Variants in GRIN2A observed in about 807,000 individuals in gnomAD.
GRIN2A encodes the protein glutamate ionotropic receptor NMDA type subunit 2A.
In GRIN2A, 22 loss-of-function variants were observed where a neutral mutation model predicts 113.4. The observed-to-expected ratio is 0.19, with a 90% CI of 0.14 to 0.28. GRIN2A has a LOEUF of 0.28. Among genes scored for constraint, GRIN2A ranks in the 10% least tolerant of loss-of-function variants. The pLI is 1.00. For missense variants in GRIN2A, 1,502 were observed against 1,887.0 expected (o/e 0.80, Z 3.78); for synonymous variants, 827 against 738.4 (o/e 1.12, Z -1.94).
intron 2 of GRIN2A, among the ~76,000 whole-genome samples, chr16:10,119,391 T>A (rs770573396): frequency 0.84 from 128,098 of 152,028 alleles, 54,802 homozygotes; most frequent in East Asian, 0.92. Flanking sequence ...ATGAGTTGTT[T>A]TCATGCTTAA....
At position 10,068,645 on chromosome 16, in the gene GRIN2A, T is replaced by G. The variant is rs112013190; in HGVS notation, c.414+111353A>C. Among the ~76,000 whole-genome samples, 885 of 152,280 alleles carry G rather than the reference T, an allele frequency of 5.8e-3. 3 individuals are homozygous for G. Among genetic ancestry groups the G allele is most frequent in the Non-Finnish European group, 9.4e-3 (638 of 68,026 alleles). ...TGGAGATTACAATTCAACGTAAGAT[T>G]TGGGCAAGACATCCAAACCTTATCA... On this transcript the variant is annotated intron_variant, in intron 2 of 12. Transcript: ENST00000330684.
intron 2 of GRIN2A, among the ~76,000 whole-genome samples, chr16:10,071,472 G>C (rs1448890197): frequency 5.3e-5 from 8 of 152,212 alleles, no homozygotes; most frequent in Non-Finnish European, 8.8e-5. Flanking sequence ...TGGTTGTCCT[G>C]ATTATGTAAG....
chr16:10,004,366 G>C (rs1003095244), intron 2 of GRIN2A, among the ~76,000 whole-genome samples: 18 of 151,716 alleles, frequency 1.2e-4, no homozygotes, highest in Non-Finnish European at 2.1e-4. Context: ...TCCAGCCTGG[G>C]TGACAGAGCG....
At chr16:9,851,321 T>C (rs979278728) in intron 4 of GRIN2A, among the ~76,000 whole-genome samples, 6 of 152,186 alleles carry the variant, frequency 3.9e-5, no homozygotes, top group African/African-American at 1.4e-4. Context: ...AGCAATTTGG[T>C]TAAACACACA....
At chr16:9,816,487 GA>G (rs2042188263) in intron 10 of GRIN2A, among the ~76,000 whole-genome samples, 1 of 152,142 alleles carries the variant, frequency 6.6e-6, no homozygotes, top group African/African-American at 2.4e-5. Context: ...ACTTGTACAT[GA>G]AAATCAATTA....
chr16:10,177,593 C>T (rs2050173632), intron 2 of GRIN2A, among the ~76,000 whole-genome samples: 1 of 152,322 alleles, frequency 6.6e-6, no homozygotes, highest in African/African-American at 2.4e-5. Context: ...TCTCATCTTC[C>T]TCTTGCCCTT....
chr16:10,124,599 G>A (rs2048893645), intron 2 of GRIN2A, among the ~76,000 whole-genome samples: 1 of 152,146 alleles, frequency 6.6e-6, no homozygotes, highest in South Asian at 2.1e-4. Flanking sequence ...GTTTTTCCAG[G>A]TGGTCCAGGT....
chr16:10,084,015 C>T (rs1379358453), intron 2 of GRIN2A, among the ~76,000 whole-genome samples: 6 of 152,238 alleles, frequency 3.9e-5, no homozygotes, highest in East Asian at 3.9e-4. Context: ...GAAGGAGGGT[C>T]GCCTGGACCC....
At position 10,099,268 on chromosome 16, in the gene GRIN2A, A is replaced by T. The variant is rs562522961; in HGVS notation, c.414+80730T>A. Among the ~76,000 whole-genome samples the T allele has an allele frequency of 1.3e-4, 20 of 152,292 alleles. 1 individual carries two copies. The South Asian group carries it at 3.7e-3, about 29-fold the overall frequency. ...TCAGCATAAAAGATACTTACTCAAA[A>T]GCTTGGTGTTTTCATTCCAGAAGAA... On this transcript the variant is annotated intron_variant, in intron 2 of 12. Transcript: ENST00000330684.
chr16:10,166,993 ACTGT>A (rs2049937894), intron 2 of GRIN2A, among the ~76,000 whole-genome samples: 1 of 152,172 alleles, frequency 6.6e-6, no homozygotes, highest in Non-Finnish European at 1.5e-5. Flanking sequence ...GTATTAATTG[ACTGT>A]CTATGTTATT....
intron 2 of GRIN2A, among the ~76,000 whole-genome samples, chr16:10,148,749 A>G (rs2049499474): frequency 6.6e-6 from 1 of 152,086 alleles, no homozygotes; most frequent in African/African-American, 2.4e-5. Flanking sequence ...GGAAATCAGT[A>G]TATCAAAGAG....
intron 2 of GRIN2A, among the ~76,000 whole-genome samples, chr16:10,053,997 C>A (rs1290240655): frequency 6.7e-6 from 1 of 150,248 alleles, no homozygotes; most frequent in Non-Finnish European, 1.5e-5. Context: ...TGGCAAGGAC[C>A]ACAAATACTT....
chr16:9,812,123 T>C (rs2042098085), intron 10 of GRIN2A, among the ~76,000 whole-genome samples: 1 of 152,210 alleles, frequency 6.6e-6, no homozygotes, highest in South Asian at 2.1e-4. Context: ...ATTTTTTATT[T>C]TTTTTACATT....
intron 2 of GRIN2A, among the ~76,000 whole-genome samples, chr16:10,101,378 G>T (rs140151483): frequency 6.6e-6 from 1 of 152,184 alleles, no homozygotes; most frequent in Non-Finnish European, 1.5e-5. Context: ...AACATGAAGC[G>T]TATACAAGAA....
intron 2 of GRIN2A, among the ~76,000 whole-genome samples, chr16:10,142,634 G>C (rs930599717): frequency 2.6e-5 from 4 of 152,216 alleles, no homozygotes; most frequent in African/African-American, 9.6e-5. Flanking sequence ...AGGAGTTCAA[G>C]GCTGCAGTGA....
intron 3 of GRIN2A, among the ~76,000 whole-genome samples, chr16:9,898,693 T>G (rs1363114286): frequency 1.3e-5 from 2 of 152,046 alleles, no homozygotes; most frequent in African/African-American, 4.8e-5. Context: ...GGTGTCACAG[T>G]TTCTTCGTTT....
chr16:9,950,019 A>G (rs767490220), intron 2 of GRIN2A, among the ~76,000 whole-genome samples: 1 of 152,162 alleles, frequency 6.6e-6, no homozygotes, highest in Non-Finnish European at 1.5e-5. Flanking sequence ...GAAGGCAGGA[A>G]AGTAATAAAC....
At chr16:10,075,235 C>A (rs1427574155) in intron 2 of GRIN2A, among the ~76,000 whole-genome samples, 1 of 152,090 alleles carries the variant, frequency 6.6e-6, no homozygotes, top group African/African-American at 2.4e-5. Flanking sequence ...AGGTCCTCCT[C>A]CCTCCTTCCC....
intron 2 of GRIN2A, among the ~76,000 whole-genome samples, chr16:10,061,113 C>A (rs2047544341): frequency 6.6e-6 from 1 of 152,172 alleles, no homozygotes; most frequent in South Asian, 2.1e-4. Flanking sequence ...GGGCATACAG[C>A]TAGAGTGTGC....
Sources: gnomAD v4.1 joint callset for allele counts (sites outside exome capture counted in the v4.1 genomes callset) on GRCh38, gnomAD v4.1.1 for gene constraint, MANE v1.5 for transcripts, NCBI Gene and HGNC (gene_info 2026-07-23, HGNC 2026-07-21) for gene names.